The following ZNF407 variants were observed in gnomAD, a reference collection of about 807,000 sequenced individuals.
The protein encoded by ZNF407 is zinc finger protein 407.
ZNF407 carries 17 observed loss-of-function variants against 131.2 expected under a neutral mutation model. That is an observed-to-expected ratio of 0.13 (90% CI 0.09 to 0.19). The LOEUF (loss-of-function observed/expected upper bound fraction) is 0.19, where lower values mean the gene tolerates loss of function less well. Ranked by LOEUF, ZNF407 falls within the 10% of genes least tolerant of loss-of-function variation. The pLI is 1.00. For missense variants in ZNF407, 2,681 were observed against 2,830.6 expected, an observed-to-expected ratio of 0.95 and a Z score of 1.20; for synonymous variants, 1,156 against 1,062.0, an observed-to-expected ratio of 1.09 and a Z score of -1.72.
chr18:74,849,753 T>G (rs1970755522), intron 4 of ZNF407, among the ~76,000 whole-genome samples: 2 of 152,218 alleles, frequency 1.3e-5, no homozygotes, highest in South Asian at 4.1e-4. Context: ...GGTAGCATGC[T>G]TCTGGAGGAA....
intron 8 of ZNF407, 55 bp downstream of exon 8, chr18:74,920,747 G>A (rs751066013): frequency 3.3e-6 from 5 of 1,537,480 alleles, no homozygotes; most frequent in Admixed American, 1.8e-5. Flanking sequence ...TGTGATCACA[G>A]CAGTTATAAT....
chr18:74,620,613 G>C (rs1019835997), intron 1 of ZNF407, among the ~76,000 whole-genome samples: 1 of 152,216 alleles, frequency 6.6e-6, no homozygotes, highest in East Asian at 1.9e-4. Context: ...TTGGGCATGG[G>C]AGCACGTAGT....
At chr18:74,804,172 T>C (rs1970071593) in intron 4 of ZNF407, 1 of 1,409,752 alleles carries the variant, frequency 7.1e-7, no homozygotes, top group African/African-American at 1.4e-5. Flanking sequence ...TGTACTTCTT[T>C]GCATACTTGA....
In ZNF407 at chr18:74,633,131, G is replaced by C; in HGVS notation, c.2112G>C (p.Gln704His). Residue 704 changes from glutamine (Q) to histidine (H), a missense_variant, in exon 2 of 9, where the codon CAG (glutamine) becomes CAC (histidine). Physicochemically the swap from Gln to His is conservative, Grantham distance 24. This residue lies in a region of ZNF407 where 1,789 missense variants were observed against 1,748.7 expected (regional missense o/e 1.02). Transcript: ENST00000299687. ...GNEVRHSSKPQFQCKKCFYKT... is the reference protein window; with the variant it reads ...GNEVRHSSKPHFQCKKCFYKT... ...AAGTGAGGCATTCCAGTAAGCCTCAGTTTCAGTGTAAGAAGTGTTTTTATA... is the reference window on the plus strand; with the variant it reads ...AAGTGAGGCATTCCAGTAAGCCTCACTTTCAGTGTAAGAAGTGTTTTTATA... The C allele has an allele frequency of 6.2e-7, 1 of 1,613,264 alleles. No individual in the cohort carries two copies. Among genetic ancestry groups the C allele is most frequent in the South Asian group, 1.1e-5 (1 of 90,882 alleles).
At chr18:74,922,803 TC>T (rs1971863804) in intron 8 of ZNF407, among the ~76,000 whole-genome samples, 1 of 152,164 alleles carries the variant, frequency 6.6e-6, no homozygotes. Flanking sequence ...GAATGAACTA[TC>T]CCTAGTCCCT....
intron 6 of ZNF407, among the ~76,000 whole-genome samples, chr18:74,887,933 T>G (rs1398683476): frequency 6.6e-6 from 1 of 152,180 alleles, no homozygotes; most frequent in Admixed American, 6.6e-5. Flanking sequence ...GTGTATGGAT[T>G]CAGTTAAATG....
At chr18:74,731,594 A>G (rs1968295850) in intron 3 of ZNF407, among the ~76,000 whole-genome samples, 2 of 152,234 alleles carry the variant, frequency 1.3e-5, no homozygotes, top group Non-Finnish European at 2.9e-5. Context: ...TAATTTTGAC[A>G]TCTTGGATTT....
chr18:74,919,054 G>C (rs1971811220), intron 7 of ZNF407, among the ~76,000 whole-genome samples: 1 of 152,188 alleles, frequency 6.6e-6, no homozygotes, highest in Non-Finnish European at 1.5e-5. Context: ...TTGCGTTTCA[G>C]CTTTGACCAG....
intron 3 of ZNF407, among the ~76,000 whole-genome samples, chr18:74,705,604 T>TA (rs1226323539): frequency 2.6e-5 from 4 of 152,210 alleles, no homozygotes; most frequent in South Asian, 2.1e-4. Flanking sequence ...AGTTTGTTTA[T>TA]AAAAAACATT....
At chr18:74,919,149 A>G (rs1437509581) in intron 7 of ZNF407, among the ~76,000 whole-genome samples, 1 of 152,132 alleles carries the variant, frequency 6.6e-6, no homozygotes, top group Non-Finnish European at 1.5e-5. Flanking sequence ...CCTCGCTTGG[A>G]CGATACTTCC....
At chr18:74,907,485 T>A (rs1312234191) in intron 7 of ZNF407, among the ~76,000 whole-genome samples, 1 of 152,164 alleles carries the variant, frequency 6.6e-6, no homozygotes, top group African/African-American at 2.4e-5. Context: ...GCCTACCAGA[T>A]CTCTGGCCTT....
Position 74,764,009 on chromosome 18 carries a change from G to A in ZNF407, c.4803-17419G>A, listed in dbSNP as rs377084031. 2.2e-3 allele frequency among the ~76,000 whole-genome samples: 341 copies of A among 151,946 alleles called. 5 individuals carry two copies. Among genetic ancestry groups the A allele is most frequent in the African/African-American group, 7.2e-3 (299 of 41,476 alleles). On this transcript the variant is annotated intron_variant, in intron 3 of 8. Coordinates refer to ENST00000299687, the MANE Select transcript of ZNF407 (RefSeq NM_017757.3). ...ATTACAGGCGTGAGCCACCGCGCCC[G>A]GCCATCTTTGATCTTTTGTATATAA...
intron 2 of ZNF407, 151 bp from the exon 3 acceptor site, chr18:74,640,857 A>G: frequency 1.6e-6 from 1 of 608,342 alleles, no homozygotes; most frequent in Non-Finnish European, 3.0e-6. Context: ...AATCAGGTCT[A>G]TTCAAGTTAT....
chr18:74,705,119 T>G (rs972658340), intron 3 of ZNF407, among the ~76,000 whole-genome samples: 17 of 151,364 alleles, frequency 1.1e-4, no homozygotes, highest in African/African-American at 3.9e-4. Flanking sequence ...TTGATAAATA[T>G]AGACATGGTG....
At chr18:74,974,107 T>C (rs1262435346) in intron 8 of ZNF407, among the ~76,000 whole-genome samples, 3 of 152,198 alleles carry the variant, frequency 2.0e-5, no homozygotes, top group African/African-American at 7.2e-5. Flanking sequence ...TGATAGCTAA[T>C]ATGAAAGGAA....
chr18:74,871,166 T>C (rs898892235), intron 4 of ZNF407, among the ~76,000 whole-genome samples: 6 of 152,226 alleles, frequency 3.9e-5, no homozygotes, highest in African/African-American at 1.4e-4. Flanking sequence ...TCGGCAGTGC[T>C]CGTCCCTGTG....
chr18:74,638,664 TTTC>T (rs1430419635), intron 2 of ZNF407, among the ~76,000 whole-genome samples: 1 of 152,178 alleles, frequency 6.6e-6, no homozygotes, highest in Non-Finnish European at 1.5e-5. Context: ...CTCTTTAGTT[TTTC>T]CCTTTGAAAA....
intron 8 of ZNF407, among the ~76,000 whole-genome samples, chr18:74,994,176 A>C (rs541501244): frequency 1.1e-4 from 16 of 152,200 alleles, no homozygotes; most frequent in Non-Finnish European, 2.2e-4. Context: ...CCTTGTTCAT[A>C]GGAAGCTCAC....
At chr18:75,046,761 G>GAA (rs200235041) in intron 8 of ZNF407, among the ~76,000 whole-genome samples, 2 of 112,726 alleles carry the variant, frequency 1.8e-5, no homozygotes, top group African/African-American at 6.5e-5. Context: ...TGAAGACAAT[G>GAA]AAAAAAAAAA....
Sources: gnomAD v4.1 joint callset for allele counts (sites outside exome capture counted in the v4.1 genomes callset) on GRCh38, gnomAD v4.1.1 for gene constraint, gnomAD v4.1.1 regional missense constraint, MANE v1.5 for transcripts, NCBI Gene and HGNC (gene_info 2026-07-23, HGNC 2026-07-21) for gene names.